The following DNMT3A variants were observed in gnomAD, a reference collection of about 807,000 sequenced individuals.
DNMT3A encodes the protein DNA methyltransferase 3 alpha, also known as DNA (cytosine-5)-methyltransferase 3A.
Under a neutral mutation model 117.6 loss-of-function variants are expected in DNMT3A, and 267 were observed. The observed-to-expected ratio is 2.27, with a 90% CI of 2.05 to 2.51. The LOEUF (loss-of-function observed/expected upper bound fraction) is 2.51. Ranked by LOEUF, DNMT3A falls within the 30% of genes most tolerant of loss-of-function variation. The probability of loss-of-function intolerance (pLI) is 0.00; values close to 1 mark genes in which losing one functional copy is unlikely to be tolerated. For synonymous variants in DNMT3A, 432 were observed against 474.8 expected, an observed-to-expected ratio of 0.91 and a Z score of 1.17; for missense variants, 1,029 against 1,260.2, an observed-to-expected ratio of 0.82 and a Z score of 2.78.
At chr2:25,320,023 GC>G (rs1192270889) in intron 1 of DNMT3A, among the ~76,000 whole-genome samples, 17 of 152,326 alleles carry the variant, frequency 1.1e-4, no homozygotes, top group African/African-American at 3.1e-4. Context: ...ACCCGCCTCG[GC>G]CTCCCAAAGT....
At chr2:25,276,292 C>T (rs1264146868) in intron 4 of DNMT3A, among the ~76,000 whole-genome samples, 1 of 152,122 alleles carries the variant, frequency 6.6e-6, no homozygotes, top group Admixed American at 6.5e-5. Context: ...TCCAGTGTGA[C>T]CTCTGTAACC....
chr2:25,309,634 G>A (rs1398183159), intron 2 of DNMT3A, among the ~76,000 whole-genome samples: 1 of 152,220 alleles, frequency 6.6e-6, no homozygotes, highest in South Asian at 2.1e-4. Context: ...TCCAGCCTCA[G>A]CACTAGCACT....
rs1672811501 is a variant in DNMT3A, at chr2:25,230,157, G to GTCTC, written c.*4118_*4121dup. The GTCTC allele has an allele frequency of 6.6e-6, 1 of 152,270 alleles. No homozygotes were observed. Among genetic ancestry groups the GTCTC allele is most frequent in the African/African-American group, 2.4e-5 (1 of 41,454 alleles). 9.4% of individuals were successfully genotyped at this position (152,270 alleles called of 1,614,324 possible). On this transcript the variant is annotated 3_prime_UTR_variant, in exon 23 of 23. Transcript: ENST00000321117. ...CCAATAGGATGTTCAATAGCAAGAAGTCTCTGGGGCCTAGAGACAAAAGGA... is the reference window on the plus strand; with the variant it reads ...CCAATAGGATGTTCAATAGCAAGAAGTCTCTCTCTGGGGCCTAGAGACAAAAGGA...
chr2:25,279,937 C>T (rs564930935), intron 4 of DNMT3A, among the ~76,000 whole-genome samples: 4 of 152,238 alleles, frequency 2.6e-5, no homozygotes, highest in Admixed American at 6.5e-5. Context: ...GTCATCTGCC[C>T]GCCTGGGCCT....
chr2:25,243,609 C>G lies in DNMT3A; in HGVS notation c.1936+289G>C, dbSNP rs539425160. Among the ~76,000 whole-genome samples the G allele has an allele frequency of 9.2e-5, 14 of 152,314 alleles. 1 individual carries two copies. Among genetic ancestry groups the G allele is most frequent in the African/African-American group, 2.4e-4 (10 of 41,566 alleles). ...TCTGTCCTTTGAGGCTCTGTGAAAT[C>G]TCTGTGAATCTGACTAATGATCACT... On this transcript the variant is annotated intron_variant, in intron 16 of 22. Coordinates refer to ENST00000321117, the MANE Select transcript of DNMT3A (RefSeq NM_022552.5).
At chr2:25,295,475 C>T (rs1010813835) in intron 3 of DNMT3A, among the ~76,000 whole-genome samples, 5 of 152,264 alleles carry the variant, frequency 3.3e-5, no homozygotes, top group Admixed American at 1.3e-4. Flanking sequence ...CTGCAGCCTT[C>T]GGCACTTACA....
In DNMT3A at chr2:25,236,911, A is replaced by C. The variant is rs746105605; in HGVS notation, c.2478+25T>G. On this transcript the variant is annotated intron_variant, in intron 21 of 22. Coordinates refer to ENST00000321117, the MANE Select transcript of DNMT3A (RefSeq NM_022552.5). This position sits in a 1 kb window ranked among gnomAD's most constrained non-coding sequence, Gnocchi z 4.5. ...CCCTTCCTTCTCCCTGCCCCCCAGC[A>C]GAGGTTCTAGACGCTGGAGCTGACC... 1.3e-4 allele frequency: 210 copies of C among 1,605,666 alleles called. No individual in the cohort carries two copies. The highest frequency in any genetic ancestry group is 1.7e-4 in the Non-Finnish European group (196 of 1,176,346).
intron 9 of DNMT3A, 77 bp from the exon 10 acceptor site, chr2:25,246,853 T>C (rs1215564400): frequency 1.9e-6 from 3 of 1,575,136 alleles, no homozygotes; most frequent in Non-Finnish European, 2.6e-6. Flanking sequence ...GGCCAGACTC[T>C]GAGTAGTGAG....
At position 25,235,645 on chromosome 2, in the gene DNMT3A, C is replaced by T. The variant is rs370545997; in HGVS notation, c.2597+62G>A. On this transcript the variant is annotated intron_variant, in intron 22 of 22. Transcript: ENST00000321117. Reference sequence around the variant, plus strand: ...TCAGGTGGGAAAGGCAGAGGACCCCCGCAGCAAGCACAGCAATCAGAACAG... The same window carrying T: ...TCAGGTGGGAAAGGCAGAGGACCCCTGCAGCAAGCACAGCAATCAGAACAG... 2.4e-3 allele frequency: 3,201 copies of T among 1,361,576 alleles called. 76 individuals carry two copies. In the South Asian group the frequency reaches 0.036, roughly 15 times the overall value. The allele number at this position is 1,361,576 out of a possible 1,614,324, so 84.3% of individuals were successfully genotyped here. A position where few individuals can be genotyped will look rare whatever the true frequency, so the allele number is the denominator to read the frequency against.
intron 3 of DNMT3A, among the ~76,000 whole-genome samples, chr2:25,295,270 C>T (rs2033022259): frequency 6.6e-6 from 1 of 152,252 alleles, no homozygotes; most frequent in Non-Finnish European, 1.5e-5. Flanking sequence ...CCCCGCCTCC[C>T]TATCATGGGC....
In DNMT3A at chr2:25,296,196, T is replaced by C. The variant is rs2033078629; in HGVS notation, c.177+3943A>G. Among the ~76,000 whole-genome samples the C allele has an allele frequency of 6.6e-6, 1 of 152,156 alleles. No individual in the cohort carries two copies. On this transcript the variant is annotated intron_variant, in intron 3 of 22. Coordinates refer to ENST00000321117, the MANE Select transcript of DNMT3A (RefSeq NM_022552.5). This position sits in a 1 kb window ranked among gnomAD's most constrained non-coding sequence, Gnocchi z 4.2. ...TGGGCTTGGAACTTGTCTTTATCAG[T>C]TCATTTTTATTAACTTTGGAGACAG...
chr2:25,241,133 C>T (rs1256082337), intron 17 of DNMT3A, among the ~76,000 whole-genome samples: 1 of 152,162 alleles, frequency 6.6e-6, no homozygotes, highest in Non-Finnish European at 1.5e-5. Flanking sequence ...CCTGCCTGAG[C>T]CTCCCAGATA....
At position 25,241,682 on chromosome 2, in the gene DNMT3A, G is replaced by C; in HGVS notation, c.1962C>G (p.Gly654=). The change falls in exon 17 of 23, where the codon GGC becomes GGG. Residue 654 remains glycine, a synonymous_variant. Coordinates refer to ENST00000321117, the MANE Select transcript of DNMT3A (RefSeq NM_022552.5). ...AGGCAATGTAGCGGTCCACCTGAAT[G>C]CCCAAGTCCTTCAGCACCAGGAGCC... ...ATGLLVLKDL[G]IQVDRYIASE... 1 of 1,614,012 alleles carries C rather than the reference G, an allele frequency of 6.2e-7. No individual in the cohort carries two copies. The highest frequency in any genetic ancestry group is 8.5e-7 in the Non-Finnish European group (1 of 1,179,968).
Position 25,252,159 on chromosome 2 carries a change from C to T in DNMT3A, c.640-3907G>A, listed in dbSNP as rs775186339. On this transcript the variant is annotated intron_variant, in intron 6 of 22. Transcript: ENST00000321117. This position sits in a 1 kb window ranked among gnomAD's most constrained non-coding sequence, Gnocchi z 5.5. ...CCCACCGGCCCTGCCGCCTCCCCGC[C>T]CCCGGTCTCCCCGGGGCTCCGTCCA... is the stretch of plus-strand genomic sequence containing the variant. The T allele has an allele frequency of 6.4e-7, 1 of 1,554,918 alleles. No homozygotes were observed. Among genetic ancestry groups the T allele is most frequent in the African/African-American group, 1.4e-5 (1 of 72,500 alleles).
At chr2:25,321,026 GGAAGGCT>G (rs2034575552) in intron 1 of DNMT3A, among the ~76,000 whole-genome samples, 1 of 152,042 alleles carries the variant, frequency 6.6e-6, no homozygotes, top group Non-Finnish European at 1.5e-5. Flanking sequence ...CAGCTACTCG[GGAAGGCT>G]GAGGCAGGAG....
At chr2:25,313,868 T>A in intron 2 of DNMT3A, 45 bp downstream of exon 2, 2 of 1,548,576 alleles carry the variant, frequency 1.3e-6, no homozygotes, top group Non-Finnish European at 1.7e-6. Context: ...GACAGGGCTC[T>A]CCCTCTCCCA....
At chr2:25,317,042 A>G (rs1018850805) in intron 1 of DNMT3A, among the ~76,000 whole-genome samples, 15 of 152,148 alleles carry the variant, frequency 9.9e-5, no homozygotes, top group Admixed American at 4.6e-4. Context: ...TTCTAAACTC[A>G]ATGCAATAGA....
At chr2:25,322,293 G>T (rs911545134) in intron 1 of DNMT3A, among the ~76,000 whole-genome samples, 1 of 152,090 alleles carries the variant, frequency 6.6e-6, no homozygotes, top group African/African-American at 2.4e-5. Flanking sequence ...CATCGGTTGC[G>T]TTTGGCCTCC....
Position 25,281,444 on chromosome 2 carries a change from C to A in DNMT3A, c.448+997G>T, listed in dbSNP as rs1282642846. On this transcript the variant is annotated intron_variant, in intron 4 of 22. Transcript: ENST00000321117. The surrounding 1 kb of genome is among the most constrained non-coding windows in gnomAD (Gnocchi z 4.8). Reference sequence around the variant, plus strand: ...TTGTCGAATAATAAATGAATAAAAGCTTCTTAATAAGTTTGGAAATTTGTA... The same window carrying A: ...TTGTCGAATAATAAATGAATAAAAGATTCTTAATAAGTTTGGAAATTTGTA... The A allele has an allele frequency of 9.6e-7, 1 of 1,041,528 alleles. No homozygotes were observed. The highest frequency in any genetic ancestry group is 1.2e-6 in the Non-Finnish European group (1 of 864,254). 64.5% of individuals were successfully genotyped at this position (1,041,528 alleles called of 1,614,324 possible).
Sources: gnomAD v4.1 joint callset for allele counts (sites outside exome capture counted in the v4.1 genomes callset) on GRCh38, gnomAD v4.1.1 for gene constraint, Gnocchi (gnomAD v3.1) non-coding constraint, MANE v1.5 for transcripts, NCBI Gene and HGNC (gene_info 2026-07-23, HGNC 2026-07-21) for gene names.